VBP1: variants seen among roughly 807,000 people sequenced by gnomAD.
VBP1 encodes prefoldin subunit 3.
Under a neutral mutation model 15.5 loss-of-function variants are expected in VBP1, and 4 were observed. The ratio of observed to expected loss-of-function variants is 0.26; its 90% CI spans 0.13 to 0.59. The LOEUF is 0.59. Among genes scored for constraint, VBP1 ranks in the 20% least tolerant of loss-of-function variants. VBP1 has a pLI of 0.90. For missense variants in VBP1, 108 were observed against 139.6 expected (o/e 0.77, Z 1.14); for synonymous variants, 61 against 52.1 (o/e 1.17, Z -0.74).
chrX:155,235,051 C>T (rs1463781315), intron 4 of VBP1, among the ~76,000 whole-genome samples: 2 of 110,807 alleles, frequency 1.8e-5, no homozygotes, highest in African/African-American at 6.6e-5. Flanking sequence ...GTCAGTTTCC[C>T]CCAGGTATAC....
At chrX:155,238,395 T>A (rs1295169956) in intron 5 of VBP1, among the ~76,000 whole-genome samples, 4 of 111,995 alleles carry the variant, frequency 3.6e-5, no homozygotes. Flanking sequence ...ATTGTAATAA[T>A]ATAAATATTA....
At chrX:155,200,389 C>T (rs2074597933) in intron 1 of VBP1, among the ~76,000 whole-genome samples, 1 of 108,819 alleles carries the variant, frequency 9.2e-6, no homozygotes, top group Admixed American at 9.8e-5. Flanking sequence ...TGTAAAACAA[C>T]AGAAATTATA....
At chrX:155,201,548 C>A (rs2074604065) in intron 1 of VBP1, among the ~76,000 whole-genome samples, 2 of 83,624 alleles carry the variant, frequency 2.4e-5, no homozygotes, top group Admixed American at 2.5e-4. Context: ...AGACCTTTGA[C>A]AAATTCAACA....
rs782448218 is a variant in VBP1, at chrX:155,218,906, C to T, written c.94-1277C>T. On this transcript the variant is annotated intron_variant, in intron 1 of 5. Transcript: ENST00000286428. ...CCTGTCTCTTAACCACAGCCTATGC[C>T]GCTATAGTTAATTCTTGCTAAACTC... Among the ~76,000 whole-genome samples the T allele has an allele frequency of 2.5e-4, 28 of 111,940 alleles. No homozygotes were observed. The South Asian group carries it at 9.3e-3, about 37-fold the overall frequency.
At position 155,221,597 on chromosome X, in the gene VBP1, A is replaced by T. The variant is rs781939371; in HGVS notation, c.218+1290A>T. Reference sequence around the variant, plus strand: ...GCACACAAAGTAGAACAGTAGAGGTACAGGGGGATGGTAACTCATTACTTT... The same window carrying T: ...GCACACAAAGTAGAACAGTAGAGGTTCAGGGGGATGGTAACTCATTACTTT... On this transcript the variant is annotated intron_variant, in intron 2 of 5. Coordinates refer to ENST00000286428, the MANE Select transcript of VBP1 (RefSeq NM_003372.7). 5.3e-4 allele frequency among the ~76,000 whole-genome samples: 60 copies of T among 112,321 alleles called. No homozygotes were observed. In the South Asian group the frequency reaches 0.011, roughly 20 times the overall value.
chrX:155,203,672 A>G (rs1460737135), intron 1 of VBP1, among the ~76,000 whole-genome samples: 4 of 108,057 alleles, frequency 3.7e-5, no homozygotes, highest in Admixed American at 9.9e-5. Context: ...TGACGAGTTA[A>G]TGGGTGCAGC....
At chrX:155,229,224 A>G (rs993960386) in intron 4 of VBP1, among the ~76,000 whole-genome samples, 12 of 112,338 alleles carry the variant, frequency 1.1e-4, no homozygotes, top group African/African-American at 3.2e-5. Flanking sequence ...ATTTCACTCT[A>G]CAATCTGCAT....
At chrX:155,231,870 T>C (rs1557310919) in intron 4 of VBP1, among the ~76,000 whole-genome samples, 1 of 111,907 alleles carries the variant, frequency 8.9e-6, no homozygotes, top group Non-Finnish European at 1.9e-5. Flanking sequence ...AAATTTCTTG[T>C]ACAGTGAGCG....
At chrX:155,208,858 C>G in intron 1 of VBP1, 1 of 1,075,703 alleles carries the variant, frequency 9.3e-7, no homozygotes, top group Non-Finnish European at 1.2e-6. Flanking sequence ...TGATTGTTTT[C>G]TTTTACAATT....
Position 155,236,305 on chromosome X carries a change from A to C in VBP1, c.461A>C (p.Asn154Thr). The C allele has an allele frequency of 8.3e-7, 1 of 1,211,501 alleles. No individual in the cohort carries two copies. Among genetic ancestry groups the C allele is most frequent in the Non-Finnish European group, 1.1e-6 (1 of 895,103 alleles). Residue 154 changes from asparagine to threonine, a missense_variant, in exon 5 of 6, where the codon AAT becomes ACT. Asn to Thr is a moderately conservative substitution (Grantham distance 65). Coordinates refer to ENST00000286428, the MANE Select transcript of VBP1 (RefSeq NM_003372.7). ...LEKNLSTATK[N>T]LDSLEEDLDF... is the part of the protein sequence containing the mutation. ...AAGAATTTATCGACTGCCACAAAGA[A>C]TCTTGATTCCCTGGAGGAAGACCTT...
intron 1 of VBP1, among the ~76,000 whole-genome samples, chrX:155,203,906 C>T (rs898587505): frequency 6.3e-5 from 7 of 111,487 alleles, no homozygotes; most frequent in Admixed American, 9.5e-5. Context: ...TTGAGTAATA[C>T]GGTGGAAAGA....
intron 2 of VBP1, among the ~76,000 whole-genome samples, chrX:155,222,154 G>A (rs1384438410): frequency 8.9e-6 from 1 of 112,717 alleles, no homozygotes; most frequent in South Asian, 3.6e-4. Context: ...CATTGGATTT[G>A]AGATCACCTA....
chrX:155,226,083 GT>G (rs1263803416), intron 2 of VBP1, among the ~76,000 whole-genome samples: 76 of 111,757 alleles, frequency 6.8e-4, no homozygotes, highest in African/African-American at 2.4e-3. Flanking sequence ...ATAATATTTA[GT>G]AAATTTACCT....
chrX:155,203,269 C>G (rs1261698723), intron 1 of VBP1, among the ~76,000 whole-genome samples: 1 of 111,069 alleles, frequency 9.0e-6, no homozygotes, highest in Non-Finnish European at 1.9e-5. Flanking sequence ...GGTATATACC[C>G]AAAGGACTAT....
intron 1 of VBP1, among the ~76,000 whole-genome samples, chrX:155,201,826 G>T (rs1352580818): frequency 5.4e-5 from 6 of 111,083 alleles, no homozygotes; most frequent in Non-Finnish European, 3.8e-5. Flanking sequence ...AATTGTCCCT[G>T]TTTGCAGATG....
chrX:155,197,776 G>A (rs1490455725), intron 1 of VBP1, among the ~76,000 whole-genome samples: 2 of 112,232 alleles, frequency 1.8e-5, no homozygotes, highest in South Asian at 3.6e-4. Flanking sequence ...TGAGTGCAGC[G>A]CACTGTGCGC....
rs2074786878 is a variant in VBP1, at chrX:155,239,003, A to G, written c.*161A>G. On this transcript the variant is annotated 3_prime_UTR_variant, in exon 6 of 6. Transcript: ENST00000286428. ...TATAAAAACAAAATTAGTTTCAAAT[A>G]TTTTTGACATTGTGATTTTTTTTTC... The G allele has an allele frequency of 2.8e-6, 1 of 352,962 alleles. No homozygotes were observed. Among genetic ancestry groups the G allele is most frequent in the African/African-American group, 2.7e-5 (1 of 36,922 alleles). The allele number at this position is 352,962 out of a possible 1,213,427, so 29.1% of individuals were successfully genotyped here.
At chrX:155,229,107 C>T (rs1214261478) in intron 4 of VBP1, among the ~76,000 whole-genome samples, 1 of 111,873 alleles carries the variant, frequency 8.9e-6, no homozygotes, top group Non-Finnish European at 1.9e-5. Context: ...CTTCTACCAG[C>T]TGTCCTACGG....
intron 4 of VBP1, among the ~76,000 whole-genome samples, chrX:155,235,852 A>G (rs1291139208): frequency 5.3e-5 from 6 of 112,281 alleles, no homozygotes; most frequent in Non-Finnish European, 1.1e-4. Flanking sequence ...CCCACTAGCT[A>G]TGCCAGCTAA....
Sources: gnomAD v4.1 joint callset for allele counts (sites outside exome capture counted in the v4.1 genomes callset) on GRCh38, gnomAD v4.1.1 for gene constraint, MANE v1.5 for transcripts, NCBI Gene and HGNC (gene_info 2026-07-23, HGNC 2026-07-21) for gene names.